FGD4: variants seen among roughly 807,000 people sequenced by gnomAD.
FGD4 encodes the protein FYVE, RhoGEF and PH domain containing 4, also known as FYVE, RhoGEF and PH domain-containing protein 4.
In FGD4, 42 loss-of-function variants were observed where a neutral mutation model predicts 102.0. The ratio of observed to expected loss-of-function variants is 0.41; its 90% confidence interval spans 0.32 to 0.53. FGD4 has a LOEUF of 0.53. FGD4 is among the 20% of genes least tolerant of loss of function. FGD4 has a pLI of 0.21. For synonymous variants in FGD4, 380 were observed against 375.7 expected (o/e 1.01, Z -0.13); for missense variants, 902 against 1,078.2 (o/e 0.84, Z 2.29).
rs531678306 is a variant in FGD4 at position 32,423,464 on chromosome 12, C to T, written c.166+23505C>T. ...AAAATTAGCCGGGCGTGGTGGCAGG[C>T]GCCTGTAATCCCAGCTACTTGGGAG... is the stretch of plus-strand genomic sequence containing the variant. On this transcript the variant is annotated intron_variant, in intron 1 of 16. Coordinates refer to ENST00000534526, the MANE Select transcript of FGD4 (RefSeq NM_001370298.3). 3.3e-5 allele frequency among the ~76,000 whole-genome samples: 5 copies of T among 151,666 alleles called. No homozygotes were observed. In the South Asian group the frequency reaches 8.3e-4, roughly 25 times the overall value.
intron 1 of FGD4, among the ~76,000 whole-genome samples, chr12:32,441,165 G>A (rs1436209997): frequency 6.6e-6 from 1 of 152,090 alleles, no homozygotes; most frequent in African/African-American, 2.4e-5. Flanking sequence ...GGTACCTAAG[G>A]TGCAAGATGA....
intron 7 of FGD4, among the ~76,000 whole-genome samples, chr12:32,604,920 T>C (rs531097304): frequency 4.6e-5 from 7 of 151,282 alleles, no homozygotes; most frequent in African/African-American, 1.7e-4. Context: ...GTCAATTTTA[T>C]CTAGCTTTAT....
chr12:32,530,626 T>G (rs1200768314), intron 1 of FGD4, among the ~76,000 whole-genome samples: 1 of 152,206 alleles, frequency 6.6e-6, no homozygotes, highest in Non-Finnish European at 1.5e-5. Context: ...AGGTATTTTA[T>G]GAATAGCTGT....
chr12:32,632,083 A>G (rs1245376217), intron 14 of FGD4, among the ~76,000 whole-genome samples: 1 of 152,216 alleles, frequency 6.6e-6, no homozygotes, highest in Admixed American at 6.5e-5. Context: ...CTATAAATCT[A>G]CACCAAAAAT....
chr12:32,510,899 A>C (rs191576054), intron 1 of FGD4, among the ~76,000 whole-genome samples: 1 of 152,338 alleles, frequency 6.6e-6, no homozygotes, highest in Admixed American at 6.5e-5. Context: ...AAAGTGCTTA[A>C]GTGTTAGGGG....
At chr12:32,542,153 C>T (rs868613982) in intron 1 of FGD4, among the ~76,000 whole-genome samples, 1 of 96,660 alleles carries the variant, frequency 1.0e-5, no homozygotes, top group Non-Finnish European at 2.0e-5. Context: ...AAGCAAAATA[C>T]AGGTTGAATG....
rs564845357 is a variant in FGD4, at chr12:32,526,061, AG to A, written c.167-38071del. On this transcript the variant is annotated intron_variant, in intron 1 of 16. Transcript: ENST00000534526. ...CGCAAGGGCTGAGGAATGCGAGCGC[AG>A]GGGGCAGGACTGGCAGGCAGCTCCA... is the stretch of plus-strand genomic sequence containing the variant. Among the ~76,000 whole-genome samples, 40 of 152,352 alleles carry A rather than the reference AG, an allele frequency of 2.6e-4. No individual in the cohort carries two copies. The South Asian group carries it at 8.3e-3, about 32-fold the overall frequency.
chr12:32,464,787 A>C (rs746999641), intron 1 of FGD4, among the ~76,000 whole-genome samples: 4 of 152,250 alleles, frequency 2.6e-5, no homozygotes, highest in Non-Finnish European at 5.9e-5. Flanking sequence ...GAGCAAGTGT[A>C]ATGTGACTTA....
rs1401472769 is a variant in FGD4, at chr12:32,598,522, A to T, written c.1037A>T (p.Lys346Ile). 1 of 1,613,646 alleles carries T rather than the reference A, an allele frequency of 6.2e-7. No individual in the cohort carries two copies. ...MKETNEQKLH[K>I]IANELLLTER... ...GAGACTAATGAGCAAAAACTTCACA[A>T]AATAGCCAATGAACTTTTGCTTACT... Residue 346 changes from lysine to isoleucine, a missense_variant, in exon 5 of 17, where the codon AAA (lysine) becomes ATA (isoleucine). By Grantham distance (102) the Lys-to-Ile change is moderately radical (BLOSUM62 -3). Coordinates refer to ENST00000534526, the MANE Select transcript of FGD4 (RefSeq NM_001370298.3).
intron 1 of FGD4, among the ~76,000 whole-genome samples, chr12:32,525,466 T>A (rs994442021): frequency 6.6e-6 from 1 of 152,268 alleles, no homozygotes; most frequent in Non-Finnish European, 1.5e-5. Context: ...CCTATGTTGA[T>A]GTGTAGCTGT....
At chr12:32,403,977 G>A (rs533077098) in intron 1 of FGD4, among the ~76,000 whole-genome samples, 5 of 152,078 alleles carry the variant, frequency 3.3e-5, no homozygotes, top group South Asian at 4.2e-4. Context: ...CAAAACTTCC[G>A]TCCCCTGAAA....
intron 14 of FGD4, among the ~76,000 whole-genome samples, chr12:32,630,010 G>T (rs139627592): frequency 1.3e-5 from 2 of 152,214 alleles, no homozygotes; most frequent in African/African-American, 4.8e-5. Context: ...TTGGCGTAAT[G>T]ACCGAGTCTC....
intron 1 of FGD4, chr12:32,485,999 A>G (rs1264192580): frequency 4.3e-6 from 6 of 1,386,136 alleles, no homozygotes; most frequent in Non-Finnish European, 1.9e-6. Flanking sequence ...GTTGAACACT[A>G]GATGTGTATG....
At chr12:32,546,428 G>A (rs1382878100) in intron 1 of FGD4, among the ~76,000 whole-genome samples, 1 of 152,234 alleles carries the variant, frequency 6.6e-6, no homozygotes, top group Non-Finnish European at 1.5e-5. Flanking sequence ...GTGGTGGAAA[G>A]AGCAGTGACC....
At chr12:32,517,929 G>C (rs1477669046) in intron 1 of FGD4, among the ~76,000 whole-genome samples, 1 of 152,018 alleles carries the variant, frequency 6.6e-6, no homozygotes, top group Non-Finnish European at 1.5e-5. Context: ...AATCATTTTG[G>C]AGATTCCCTC....
At chr12:32,495,687 C>T (rs1433233417) in intron 1 of FGD4, among the ~76,000 whole-genome samples, 3 of 95,340 alleles carry the variant, frequency 3.1e-5, no homozygotes, top group South Asian at 3.1e-4. Flanking sequence ...CAGAGAGAGA[C>T]TCTGTTTCAA....
intron 4 of FGD4, among the ~76,000 whole-genome samples, chr12:32,590,663 G>A (rs1453926793): frequency 6.6e-6 from 1 of 152,168 alleles, no homozygotes; most frequent in Non-Finnish European, 1.5e-5. Context: ...TTAACCTCAT[G>A]ATGGCACAGC....
chr12:32,604,740 T>C (rs1025003860), intron 7 of FGD4, among the ~76,000 whole-genome samples: 2 of 152,114 alleles, frequency 1.3e-5, no homozygotes, highest in South Asian at 4.1e-4. Flanking sequence ...CGTGCCACCC[T>C]GATGGCCCCT....
intron 1 of FGD4, among the ~76,000 whole-genome samples, chr12:32,510,694 T>A (rs1445749788): frequency 3.3e-5 from 5 of 152,162 alleles, no homozygotes; most frequent in African/African-American, 9.7e-5. Flanking sequence ...ATTAGACTGT[T>A]TTACACATGG....
Sources: allele counts gnomAD v4.1 joint callset (sites outside exome capture counted in the v4.1 genomes callset), GRCh38; gene constraint gnomAD v4.1.1; transcripts MANE v1.5; gene names NCBI Gene and HGNC (gene_info 2026-07-23, HGNC 2026-07-21).